MCU: variants seen among roughly 807,000 people sequenced by gnomAD.
The protein encoded by MCU is calcium uniporter protein, mitochondrial.
A neutral mutation model predicts 45.2 loss-of-function variants in MCU; 12 were observed. That is an observed-to-expected ratio of 0.27 (90% CI 0.17 to 0.43). The LOEUF is 0.43. Ranked by LOEUF, MCU falls within the 20% of genes least tolerant of loss-of-function variation. MCU has a pLI of 1.00. For synonymous variants in MCU, 160 were observed against 165.1 expected (o/e 0.97, Z 0.24); for missense variants, 324 against 436.7 (o/e 0.74, Z 2.30).
At chr10:72,739,865 C>A (rs1421342175) in intron 1 of MCU, among the ~76,000 whole-genome samples, 2 of 151,818 alleles carry the variant, frequency 1.3e-5, no homozygotes, top group African/African-American at 4.8e-5. Flanking sequence ...TTGGTAGAGA[C>A]AGGGTTTCAC....
Position 72,821,497 on chromosome 10 carries a change from A to G in MCU, c.151-12862A>G, listed in dbSNP as rs571735472. On this transcript the variant is annotated intron_variant, in intron 1 of 7. Coordinates refer to ENST00000373053, the MANE Select transcript of MCU (RefSeq NM_138357.3). ...ATTCCTATCTTTCTTTCCAGTCTCA[A>G]TAAGATTGATATGCATGCCTGAGTT... 5.3e-5 allele frequency among the ~76,000 whole-genome samples: 8 copies of G among 152,268 alleles called. No homozygotes were observed. In the East Asian group the frequency reaches 1.5e-3, roughly 29 times the overall value.
At chr10:72,701,817 C>T (rs994492956) in intron 1 of MCU, among the ~76,000 whole-genome samples, 2 of 152,188 alleles carry the variant, frequency 1.3e-5, no homozygotes, top group East Asian at 3.9e-4. Flanking sequence ...AGGCGTGATC[C>T]ACCGTGCCCG....
intron 1 of MCU, among the ~76,000 whole-genome samples, chr10:72,759,438 C>A (rs1340680451): frequency 6.6e-6 from 1 of 152,112 alleles, no homozygotes; most frequent in African/African-American, 2.4e-5. Context: ...GGGTGTGGCA[C>A]CAGGCTGTCT....
chr10:72,882,452 C>T (rs532081501), intron 6 of MCU, among the ~76,000 whole-genome samples: 309 of 152,242 alleles, frequency 2.0e-3, no homozygotes, highest in African/African-American at 7.1e-3. Flanking sequence ...CAAGGAACAT[C>T]CCTGAGAAAG....
intron 1 of MCU, among the ~76,000 whole-genome samples, chr10:72,722,987 G>C (rs1843044573): frequency 6.6e-6 from 1 of 151,794 alleles, no homozygotes; most frequent in African/African-American, 2.4e-5. Flanking sequence ...ATGAGGTCAG[G>C]AGATCAAGAC....
intron 6 of MCU, among the ~76,000 whole-genome samples, chr10:72,878,106 T>C: frequency 6.7e-6 from 1 of 148,150 alleles, no homozygotes. Flanking sequence ...CTACAAATAA[T>C]TTTGCTTTTT....
At chr10:72,783,155 T>C (rs1006452044) in intron 1 of MCU, among the ~76,000 whole-genome samples, 1 of 152,248 alleles carries the variant, frequency 6.6e-6, no homozygotes, top group Non-Finnish European at 1.5e-5. Context: ...TTGTGTGTGC[T>C]CCACCTTGGT....
chr10:72,750,580 A>G (rs1286969316), intron 1 of MCU, among the ~76,000 whole-genome samples: 1 of 152,210 alleles, frequency 6.6e-6, no homozygotes, highest in Non-Finnish European at 1.5e-5. Flanking sequence ...TTCAAGAAGT[A>G]GGTATGTGAC....
chr10:72,710,142 ATT>A (rs983965140), intron 1 of MCU, among the ~76,000 whole-genome samples: 10 of 151,944 alleles, frequency 6.6e-5, no homozygotes, highest in Non-Finnish European at 1.5e-4. Context: ...TGCCCGGCTA[ATT>A]TTTTGTACTT....
At chr10:72,824,372 ATTT>A (rs66765142) in intron 1 of MCU, among the ~76,000 whole-genome samples, 3 of 133,716 alleles carry the variant, frequency 2.2e-5, no homozygotes, top group Admixed American at 7.5e-5. Flanking sequence ...AATTTTTTGT[ATTT>A]TTTTTTTTTT....
rs1447655430 is a variant in MCU at position 72,871,834 on chromosome 10, A to G, written c.861+254A>G. On this transcript the variant is annotated intron_variant, in intron 6 of 7. Coordinates refer to ENST00000373053, the MANE Select transcript of MCU (RefSeq NM_138357.3). ...GAAAGCCATGTAGACCATTAAATTC[A>G]GAGAAATATACTACAGTAAGGTATA... 2.6e-5 allele frequency among the ~76,000 whole-genome samples: 4 copies of G among 152,256 alleles called. No individual in the cohort carries two copies. The East Asian group carries it at 7.7e-4, about 29-fold the overall frequency.
rs34029455 is a variant in MCU at position 72,796,693 on chromosome 10, G to GTT, written c.151-37652_151-37651dup. On this transcript the variant is annotated intron_variant, in intron 1 of 7. Transcript: ENST00000373053. ...CACGCCTGGCTACTTTTTAGTTTTTGTTTTTTTTTTTTTTTGTAGAGATGG... is the reference window on the plus strand; with the variant it reads ...CACGCCTGGCTACTTTTTAGTTTTTGTTTTTTTTTTTTTTTTTGTAGAGATGG... Among the ~76,000 whole-genome samples the GTT allele has an allele frequency of 3.2e-3, 425 of 133,918 alleles. 5 individuals carry two copies. The highest frequency in any genetic ancestry group is 7.5e-3 in the Middle Eastern group (2 of 266). 87.9% of individuals were successfully genotyped at this position (133,918 alleles called of 152,430 possible). A position where few individuals can be genotyped will look rare whatever the true frequency, so the allele number is the denominator to read the frequency against.
At chr10:72,739,825 C>T (rs559390978) in intron 1 of MCU, among the ~76,000 whole-genome samples, 1 of 151,696 alleles carries the variant, frequency 6.6e-6, no homozygotes, top group East Asian at 2.0e-4. Context: ...TACAGGTGCA[C>T]ACCACCATGC....
intron 1 of MCU, among the ~76,000 whole-genome samples, chr10:72,721,414 T>C (rs565557254): frequency 6.6e-5 from 10 of 152,252 alleles, no homozygotes; most frequent in African/African-American, 2.4e-4. Context: ...TGCTCCCCAG[T>C]CAATATCGGC....
intron 1 of MCU, among the ~76,000 whole-genome samples, chr10:72,713,794 T>C (rs957931713): frequency 1.3e-5 from 2 of 152,200 alleles, no homozygotes; most frequent in Non-Finnish European, 2.9e-5. Context: ...AACTTGTTTC[T>C]GAAACTAGTG....
At chr10:72,742,665 TCA>T (rs1383351870) in intron 1 of MCU, among the ~76,000 whole-genome samples, 2 of 152,236 alleles carry the variant, frequency 1.3e-5, no homozygotes, top group Non-Finnish European at 2.9e-5. Context: ...CTGCAAACTT[TCA>T]CACATATAAG....
chr10:72,768,315 G>A (rs2132732417), intron 1 of MCU, among the ~76,000 whole-genome samples: 1 of 152,244 alleles, frequency 6.6e-6, no homozygotes, highest in Non-Finnish European at 1.5e-5. Context: ...CATATGGTTT[G>A]TAGTCAATAA....
At chr10:72,869,915 C>A (rs1845514365) in intron 5 of MCU, among the ~76,000 whole-genome samples, 1 of 151,850 alleles carries the variant, frequency 6.6e-6, no homozygotes, top group African/African-American at 2.4e-5. Context: ...CCATAGAAAC[C>A]AAATTATAAA....
At chr10:72,752,505 C>G (rs1843516943) in intron 1 of MCU, among the ~76,000 whole-genome samples, 1 of 152,174 alleles carries the variant, frequency 6.6e-6, no homozygotes, top group African/African-American at 2.4e-5. Context: ...ACATTCTTTT[C>G]TTAGTACTGT....
Sources: allele counts gnomAD v4.1 joint callset (sites outside exome capture counted in the v4.1 genomes callset), GRCh38; gene constraint gnomAD v4.1.1; transcripts MANE v1.5; gene names NCBI Gene and HGNC (gene_info 2026-07-23, HGNC 2026-07-21).